EIF4G3: variants seen among roughly 807,000 people sequenced by gnomAD.
EIF4G3 encodes the protein eIF-4-gamma 3.
In EIF4G3, 34 loss-of-function variants were observed where a neutral mutation model predicts 186.4. The ratio of observed to expected loss-of-function variants is 0.18; its 90% CI spans 0.14 to 0.24. The LOEUF is 0.24. Among genes scored for constraint, EIF4G3 ranks in the 10% least tolerant of loss-of-function variants. The pLI is 1.00. For synonymous variants in EIF4G3, 673 were observed against 679.5 expected (o/e 0.99, Z 0.15); for missense variants, 1,536 against 1,948.5 (o/e 0.79, Z 3.99).
intron 14 of EIF4G3, among the ~76,000 whole-genome samples, chr1:20,920,697 C>T (rs1316540857): frequency 2.0e-5 from 3 of 152,122 alleles, no homozygotes; most frequent in Non-Finnish European, 2.9e-5. Context: ...TCTCACTGTA[C>T]TCTGTTTCAT....
At position 20,908,552 on chromosome 1, in the gene EIF4G3, T is replaced by C. The variant is rs564323440; in HGVS notation, c.1664-3581A>G. Among the ~76,000 whole-genome samples the C allele has an allele frequency of 1.7e-4, 26 of 152,272 alleles. 1 individual carries two copies. In the South Asian group the frequency reaches 2.5e-3, roughly 15 times the overall value. On this transcript the variant is annotated intron_variant, in intron 14 of 36. Coordinates refer to ENST00000602326, the MANE Select transcript of EIF4G3 (RefSeq NM_001391906.1). ...TCTGTAACTGGAAAGGACTTCATCT[T>C]AAGATTTCAAAAAGAGCGCACCTTA...
chr1:20,881,794 T>A (rs979239079), intron 19 of EIF4G3, among the ~76,000 whole-genome samples: 3 of 149,364 alleles, frequency 2.0e-5, no homozygotes, highest in Non-Finnish European at 4.5e-5. Context: ...TCTCAAAAAA[T>A]AATAATAATG....
chr1:21,081,404 GC>G (rs2095782484), intron 3 of EIF4G3, among the ~76,000 whole-genome samples: 1 of 152,120 alleles, frequency 6.6e-6, no homozygotes, highest in Non-Finnish European at 1.5e-5. Flanking sequence ...CTGCACTCCA[GC>G]CTGGGCGACA....
chr1:20,918,740 C>G (rs1572812003), intron 14 of EIF4G3, among the ~76,000 whole-genome samples: 1 of 108,682 alleles, frequency 9.2e-6, no homozygotes. Flanking sequence ...GAGGCAGGTT[C>G]TCACTATGTT....
chr1:20,835,904 T>C (rs1427633780), intron 30 of EIF4G3, among the ~76,000 whole-genome samples: 1 of 149,848 alleles, frequency 6.7e-6, no homozygotes, highest in African/African-American at 2.5e-5. Context: ...GCCACTGCAC[T>C]CCAACCTGGG....
At chr1:20,817,199 G>A (rs1195370937) in intron 34 of EIF4G3, among the ~76,000 whole-genome samples, 193 bp downstream of exon 34, 1 of 133,900 alleles carries the variant, frequency 7.5e-6, no homozygotes, top group Non-Finnish European at 1.6e-5. Context: ...CTGTGACCCT[G>A]CCAAATCCCC....
chr1:21,070,887 G>A (rs2095421477), intron 3 of EIF4G3, among the ~76,000 whole-genome samples: 3 of 152,076 alleles, frequency 2.0e-5, no homozygotes, highest in Admixed American at 2.0e-4. Flanking sequence ...CTTGAAAGTG[G>A]ACTAATTGAT....
chr1:20,878,309 CTCTAT>C lies in EIF4G3; in HGVS notation c.2622+1009_2622+1013del, dbSNP rs564117866. ...CCCATTGTGTCAGGTCCAACTCAAA[CTCTAT>C]TTGCTTTATAAAAGTTTTGTGACTC... On this transcript the variant is annotated intron_variant, in intron 20 of 36. Transcript: ENST00000602326. 3.3e-5 allele frequency among the ~76,000 whole-genome samples: 5 copies of C among 152,290 alleles called. No homozygotes were observed. The East Asian group carries it at 9.6e-4, about 29-fold the overall frequency.
intron 29 of EIF4G3, among the ~76,000 whole-genome samples, chr1:20,847,207 T>C (rs900697515): frequency 2.0e-5 from 3 of 152,210 alleles, no homozygotes; most frequent in Admixed American, 6.5e-5. Flanking sequence ...TTCAGGAGAA[T>C]GTTACGAGGA....
intron 12 of EIF4G3, among the ~76,000 whole-genome samples, chr1:20,968,415 G>A (rs891732575): frequency 6.6e-6 from 1 of 152,010 alleles, no homozygotes; most frequent in Admixed American, 6.6e-5. Context: ...CCAGACCTCG[G>A]GTGATTTGGC....
At position 21,064,848 on chromosome 1, in the gene EIF4G3, T is replaced by G. The variant is rs201754794; in HGVS notation, c.-195-13854A>C. On this transcript the variant is annotated intron_variant, in intron 3 of 36. Transcript: ENST00000602326. ...TGACAACTCCTCAGAAGATGTGGAG[T>G]GAAGACTTTTAACATCATCTGAGGA... 13 of 152,232 alleles carry G rather than the reference T, an allele frequency of 8.5e-5. No homozygotes were observed. The East Asian group carries it at 1.4e-3, about 16-fold the overall frequency. 9.4% of individuals were successfully genotyped at this position (152,232 alleles called of 1,614,324 possible). A position where few individuals can be genotyped will look rare whatever the true frequency, so the allele number is the denominator to read the frequency against.
At chr1:21,055,913 A>T (rs1359754668) in intron 3 of EIF4G3, among the ~76,000 whole-genome samples, 1 of 152,178 alleles carries the variant, frequency 6.6e-6, no homozygotes, top group South Asian at 2.1e-4. Context: ...AGAGGTACTG[A>T]CATATACTAA....
intron 13 of EIF4G3, among the ~76,000 whole-genome samples, chr1:20,947,296 A>G (rs952836395): frequency 3.3e-5 from 5 of 152,012 alleles, no homozygotes; most frequent in Admixed American, 3.3e-4. Context: ...GTGAGCCATG[A>G]TCGTGTCACT....
intron 2 of EIF4G3, among the ~76,000 whole-genome samples, chr1:21,147,313 A>G (rs981146311): frequency 1.3e-5 from 2 of 151,986 alleles, no homozygotes; most frequent in Admixed American, 1.3e-4. Flanking sequence ...AAACACATGC[A>G]CTGTTTTGCT....
At chr1:21,146,884 T>C (rs1028806493) in intron 2 of EIF4G3, among the ~76,000 whole-genome samples, 1 of 152,140 alleles carries the variant, frequency 6.6e-6, no homozygotes, top group African/African-American at 2.4e-5. Flanking sequence ...AAAATACTAC[T>C]AGTATCAATG....
chr1:20,989,813 A>G (rs1384285664), intron 7 of EIF4G3, among the ~76,000 whole-genome samples: 3 of 152,208 alleles, frequency 2.0e-5, no homozygotes, highest in African/African-American at 7.2e-5. Flanking sequence ...CCAATGATAA[A>G]AGAAAGTTCT....
chr1:20,942,039 A>T lies in EIF4G3; in HGVS notation c.1115T>A (p.Leu372His). ...PREDTIPIPS[L>H]TSCTETSDPL... ...GTCTGATGTTTCTGTGCAAGATGTG[A>T]GGCTGGGTATAGGAATTGTGTCTTC... Residue 372 changes from leucine (L) to histidine (H), a missense_variant, in exon 14 of 37, where the codon CTC becomes CAC. This residue lies in a region of EIF4G3 where 560 missense variants were observed against 547.8 expected (regional missense o/e 1.02). Transcript: ENST00000602326. 6.2e-6 allele frequency: 10 copies of T among 1,614,154 alleles called. No homozygotes were observed. The highest frequency in any genetic ancestry group is 8.5e-6 in the Non-Finnish European group (10 of 1,180,022).
chr1:21,050,840 AT>A, intron 4 of EIF4G3, 25 bp downstream of exon 4: 3 of 689,410 alleles, frequency 4.4e-6, no homozygotes, highest in Non-Finnish European at 7.9e-6. Flanking sequence ...GACATTTCTT[AT>A]TTTTTTAAAA....
chr1:21,073,558 A>G (rs1340595318), intron 3 of EIF4G3: 3 of 434,802 alleles, frequency 6.9e-6, no homozygotes, highest in Admixed American at 5.1e-5. Context: ...TTCAGGTATC[A>G]CCTAAAATGG....
Sources: gnomAD v4.1 joint callset for allele counts (sites outside exome capture counted in the v4.1 genomes callset) on GRCh38, gnomAD v4.1.1 for gene constraint, gnomAD v4.1.1 regional missense constraint, MANE v1.5 for transcripts, NCBI Gene and HGNC (gene_info 2026-07-23, HGNC 2026-07-21) for gene names.